The following LTK variants were observed in gnomAD, a reference collection of about 807,000 sequenced individuals.
LTK encodes leukocyte receptor tyrosine kinase.
Under a neutral mutation model 101.5 loss-of-function variants are expected in LTK, and 117 were observed. The ratio of observed to expected loss-of-function variants is 1.15; its 90% CI spans 0.99 to 1.34. The LOEUF (loss-of-function observed/expected upper bound fraction) is 1.34. Ranked by LOEUF, LTK falls within the 40% of genes most tolerant of loss-of-function variation. LTK has a pLI of 0.00. For missense variants in LTK, 1,252 were observed against 1,164.7 expected, an observed-to-expected ratio of 1.07 and a Z score of -1.09; for synonymous variants, 563 against 494.2, an observed-to-expected ratio of 1.14 and a Z score of -1.85.
Position 41,504,995 on chromosome 15 carries a change from A to C in LTK, c.1995T>G (p.Phe665Leu), listed in dbSNP as rs1362912146. The C allele has an allele frequency of 3.1e-6, 5 of 1,612,928 alleles. No homozygotes were observed. The highest frequency in any genetic ancestry group is 4.2e-6 in the Non-Finnish European group (5 of 1,179,380). Residue 665 changes from phenylalanine to leucine, a missense_variant, in exon 16 of 20, where the codon TTT becomes TTG. Physicochemically the swap from Phe to Leu is conservative, Grantham distance 22. Coordinates refer to ENST00000263800, the MANE Select transcript of LTK (RefSeq NM_002344.6). ...ACCGGTAGATATCTCGTGCCATCCCAAAGTCCCCAATCTTGGCCACTCGGC... is the reference window on the plus strand; with the variant it reads ...ACCGGTAGATATCTCGTGCCATCCCCAAGTCCCCAATCTTGGCCACTCGGC... ...GPSRVAKIGD[F>L]GMARDIYRAS... is the part of the protein sequence containing the mutation.
Position 41,505,037 on chromosome 15 carries a change from C to A in LTK, c.1953G>T (p.Leu651=). ...HRDIAARNCL[L]SCAGPSRVAK... ...CCACTCGGCTGGGTCCAGCGCAGCTCAGCAGGCAGTTCCGGGCGGCAATAT... is the reference window on the plus strand; with the variant it reads ...CCACTCGGCTGGGTCCAGCGCAGCTAAGCAGGCAGTTCCGGGCGGCAATAT... The change falls in exon 16 of 20, where the codon CTG becomes CTT. Residue 651 remains leucine (L), a synonymous_variant. Transcript: ENST00000263800. The A allele has an allele frequency of 6.2e-7, 1 of 1,613,538 alleles. No homozygotes were observed. Among genetic ancestry groups the A allele is most frequent in the African/African-American group, 1.3e-5 (1 of 75,026 alleles).
In LTK at chr15:41,511,327, C is replaced by A; in HGVS notation, c.834G>T (p.Thr278=). Residue 278 remains threonine (T), a synonymous_variant, in exon 7 of 20, where the codon ACG becomes ACT. Transcript: ENST00000263800. This position sits in a 1 kb window ranked among gnomAD's most constrained non-coding sequence, Gnocchi z 5.9. ...GGAAGGGGGW[T]SRAPSPQAGR... ...CGGCCTGCGGAGAGGGAGCCCGCGA[C>A]GTCCAGCCGCCCCCACCACCTGCAG... is the stretch of plus-strand genomic sequence containing the variant. 2 of 1,361,428 alleles carry A rather than the reference C, an allele frequency of 1.5e-6. No individual in the cohort carries two copies. Among genetic ancestry groups the A allele is most frequent in the South Asian group, 1.8e-5 (1 of 56,224 alleles). The allele number at this position is 1,361,428 out of a possible 1,614,324, so 84.3% of individuals were successfully genotyped here.
rs770957890 is a variant in LTK, at chr15:41,504,954, A to C, written c.2018+18T>G. ...ACCCCCTTGGAGCAAGAGCCTTCCC[A>C]CCTCCCAAGTCCCGCACCGGTAGAT... is the stretch of plus-strand genomic sequence containing the variant. On this transcript the variant is annotated intron_variant, in intron 16 of 19. Transcript: ENST00000263800. 10 of 1,600,246 alleles carry C rather than the reference A, an allele frequency of 6.2e-6. No homozygotes were observed. The South Asian group carries it at 1.0e-4, about 16-fold the overall frequency.
At chr15:41,512,629 C>T (rs1237707579) in intron 3 of LTK, 78 bp downstream of exon 3, 11 of 1,430,962 alleles carry the variant, frequency 7.7e-6, no homozygotes, top group Non-Finnish European at 9.2e-6. Context: ...AGTCGGTGCG[C>T]ACGTGGACTT....
intron 11 of LTK, among the ~76,000 whole-genome samples, chr15:41,506,418 C>A (rs2051286050): frequency 6.6e-6 from 1 of 152,114 alleles, no homozygotes; most frequent in South Asian, 2.1e-4. Context: ...GATTCTCCTG[C>A]CTCAGTCTCC....
intron 11 of LTK, among the ~76,000 whole-genome samples, chr15:41,506,511 G>T (rs1050302801): frequency 1.8e-4 from 28 of 151,918 alleles, no homozygotes; most frequent in African/African-American, 6.5e-4. Context: ...CACCATGTTG[G>T]CCAGGCTGGT....
rs530498445 is a variant in LTK, at chr15:41,506,684, A to G, written c.1541+411T>C. Among the ~76,000 whole-genome samples, 90 of 148,230 alleles carry G rather than the reference A, an allele frequency of 6.1e-4. 2 individuals carry two copies. In the South Asian group the frequency reaches 0.018, roughly 29 times the overall value. On this transcript the variant is annotated intron_variant, in intron 11 of 19. Transcript: ENST00000263800. ...CGGCTCACCACAACCTCCGCCTCCCAGGTTCAAGTGATTCTTCTGCCTCAG... is the reference window on the plus strand; with the variant it reads ...CGGCTCACCACAACCTCCGCCTCCCGGGTTCAAGTGATTCTTCTGCCTCAG...
Position 41,512,701 on chromosome 15 carries a change from A to G in LTK, c.359+6T>C. Reference sequence around the variant, plus strand: ...ACTGTCCACCCTACCTCCGCCGTGCACTTACAGATACTGGCCAGGGCCCGG... The same window carrying G: ...ACTGTCCACCCTACCTCCGCCGTGCGCTTACAGATACTGGCCAGGGCCCGG... On this transcript the variant is annotated splice_donor_region_variant and intron_variant, in intron 3 of 19. Coordinates refer to ENST00000263800, the MANE Select transcript of LTK (RefSeq NM_002344.6). 1 of 1,566,518 alleles carries G rather than the reference A, an allele frequency of 6.4e-7. No homozygotes were observed. The highest frequency in any genetic ancestry group is 1.1e-5 in the South Asian group (1 of 87,044).
intron 10 of LTK, 125 bp downstream of exon 10, chr15:41,507,437 G>A: frequency 6.5e-7 from 1 of 1,539,856 alleles, no homozygotes; most frequent in South Asian, 1.2e-5. Flanking sequence ...AATCCCAGAG[G>A]AGTCTACCAC....
Position 41,511,809 on chromosome 15 carries a change from G to A in LTK, c.657+8C>T, listed in dbSNP as rs1308040570. The A allele has an allele frequency of 6.7e-7, 1 of 1,491,078 alleles. No homozygotes were observed. The highest frequency in any genetic ancestry group is 8.8e-7 in the Non-Finnish European group (1 of 1,130,246). 92.4% of individuals were successfully genotyped at this position (1,491,078 alleles called of 1,614,324 possible). On this transcript the variant is annotated splice_region_variant and intron_variant, in intron 5 of 19. Transcript: ENST00000263800. This position sits in a 1 kb window ranked among gnomAD's most constrained non-coding sequence, Gnocchi z 5.9. ...ACCCCAACGCTGAGCGCCGAAGGGA[G>A]CACGTACCCGGAAAACGTAGGTGGC...
Position 41,513,759 on chromosome 15 carries a change from C to T in LTK, c.-50G>A, listed in dbSNP as rs934315820. Reference sequence around the variant, plus strand: ...AAAGCCCTTGCGGTCGCGGCCACACCCCTGTCAACCTAAAGTTGACAGCTC... The same window carrying T: ...AAAGCCCTTGCGGTCGCGGCCACACTCCTGTCAACCTAAAGTTGACAGCTC... On this transcript the variant is annotated 5_prime_UTR_variant, in exon 1 of 20. Transcript: ENST00000263800. The T allele has an allele frequency of 3.1e-5, 47 of 1,522,778 alleles. No homozygotes were observed. In the Admixed American group the frequency reaches 7.8e-4, roughly 25 times the overall value. 94.3% of individuals were successfully genotyped at this position (1,522,778 alleles called of 1,614,324 possible). A position where few individuals can be genotyped will look rare whatever the true frequency, so the allele number is the denominator to read the frequency against.
At chr15:41,504,697 T>A in intron 17 of LTK, 57 bp from the exon 18 acceptor site, 1 of 1,604,062 alleles carries the variant, frequency 6.2e-7, no homozygotes, top group Middle Eastern at 1.7e-4. Flanking sequence ...TCCCCTCACA[T>A]GAGGTGGCTG....
rs968526601 is a variant in LTK, at chr15:41,512,575, A to C, written c.359+132T>G. ...TCGGTGGCGACTACTGCCACCTTGA[A>C]GGGCACTCAAGGTGGACCTCCCCGC... On this transcript the variant is annotated intron_variant, in intron 3 of 19. Transcript: ENST00000263800. 2.6e-6 allele frequency: 3 copies of C among 1,175,168 alleles called. No homozygotes were observed. The African/African-American group carries it at 4.6e-5, about 18-fold the overall frequency. The allele number at this position is 1,175,168 out of a possible 1,614,324, so 72.8% of individuals were successfully genotyped here.
rs377600172 is a variant in LTK, at chr15:41,510,547, C to T, written c.997+617G>A. 3.3e-5 allele frequency among the ~76,000 whole-genome samples: 5 copies of T among 151,926 alleles called. No homozygotes were observed. In the East Asian group the frequency reaches 9.7e-4, roughly 30 times the overall value. On this transcript the variant is annotated intron_variant, in intron 7 of 19. Transcript: ENST00000263800. ...AGTGATCTCGGCTCACTGCAACCTC[C>T]GCCTCCCAGGTTCAAGCAATTCTCC...
At chr15:41,513,518 C>T (rs2051561968) in intron 1 of LTK, 149 bp downstream of exon 1, 4 of 736,946 alleles carry the variant, frequency 5.4e-6, no homozygotes, top group Admixed American at 2.3e-5. Flanking sequence ...TCTCGGCCCG[C>T]ACTCCAGAAG....
chr15:41,504,706 T>C, intron 17 of LTK, 66 bp from the exon 18 acceptor site: 1 of 1,596,664 alleles, frequency 6.3e-7, no homozygotes, highest in Admixed American at 1.7e-5. Flanking sequence ...ATGAGGTGGC[T>C]GGAAAGGACA....
Position 41,511,763 on chromosome 15 carries a change from G to A in LTK, c.657+54C>T. On this transcript the variant is annotated intron_variant, in intron 5 of 19. Transcript: ENST00000263800. The surrounding 1 kb of genome is among the most constrained non-coding windows in gnomAD (Gnocchi z 5.9). ...ACGGACGGAGAGCCGGTGCGTGAGC[G>A]CCCCTGGGGAGAGGATTGGGACCCC... The A allele has an allele frequency of 1.4e-6, 2 of 1,454,802 alleles. No homozygotes were observed. Among genetic ancestry groups the A allele is most frequent in the African/African-American group, 1.5e-5 (1 of 66,238 alleles). The allele number at this position is 1,454,802 out of a possible 1,614,324, so 90.1% of individuals were successfully genotyped here.
At chr15:41,512,316 C>A (rs1347421653) in intron 3 of LTK, 51 bp from the exon 4 acceptor site, 6 of 1,578,360 alleles carry the variant, frequency 3.8e-6, no homozygotes, top group Non-Finnish European at 4.3e-6. Flanking sequence ...AGGCCGGCCG[C>A]TCCGGGCAGA....
At position 41,509,015 on chromosome 15, in the gene LTK, G is replaced by T. The variant is rs778435465; in HGVS notation, c.1096+16C>A. On this transcript the variant is annotated intron_variant, in intron 8 of 19. Transcript: ENST00000263800. ...GAAGTCCAGGCCAGGCTCAGAGGTG[G>T]GGTTGGGGCCAATACCTGCCAGAGG... 2.2e-5 allele frequency: 35 copies of T among 1,574,956 alleles called. No individual in the cohort carries two copies. The highest frequency in any genetic ancestry group is 2.9e-5 in the Non-Finnish European group (34 of 1,154,846).
Sources: allele counts gnomAD v4.1 joint callset (sites outside exome capture counted in the v4.1 genomes callset), GRCh38; gene constraint gnomAD v4.1.1; non-coding constraint Gnocchi (gnomAD v3.1); transcripts MANE v1.5; gene names NCBI Gene and HGNC (gene_info 2026-07-23, HGNC 2026-07-21).